The following CEP63 variants were observed in gnomAD, a reference collection of about 807,000 sequenced individuals.
The protein encoded by CEP63 is centrosomal protein 63, also known as centrosomal protein of 63 kDa.
Under a neutral mutation model 89.1 loss-of-function variants are expected in CEP63, and 84 were observed. The ratio of observed to expected loss-of-function variants is 0.94; its 90% CI spans 0.79 to 1.13. The LOEUF is 1.13. CEP63 is among the 50% of genes most tolerant of loss of function. CEP63 has a pLI of 0.00. For missense variants in CEP63, 838 were observed against 813.3 expected (o/e 1.03, Z -0.37); for synonymous variants, 267 against 272.5 (o/e 0.98, Z 0.20).
the CEP63 span, among the ~76,000 whole-genome samples, chr3:134,691,286 A>G: frequency 6.6e-6 from 1 of 151,426 alleles, no homozygotes; most frequent in African/African-American, 2.4e-5. Context: ...TGAACCCAAG[A>G]GGCAGAGGTT....
downstream of CEP63, among the ~76,000 whole-genome samples, chr3:134,576,407 G>C (rs894053085): frequency 2.0e-5 from 3 of 152,188 alleles, no homozygotes; most frequent in Non-Finnish European, 2.9e-5. Context: ...ACAGATGCCA[G>C]CTCCCTTCCT....
the CEP63 span, among the ~76,000 whole-genome samples, chr3:134,759,776 AAAG>A: frequency 6.1e-4 from 93 of 152,330 alleles, 3 homozygotes; most frequent in South Asian, 0.013. Context: ...TGTAATCTTA[AAAG>A]AAGAAGAAGA....
At chr3:134,561,337 T>C (rs770111149) in intron 14 of CEP63, 40 bp from the exon 15 acceptor site, 1 of 1,525,614 alleles carries the variant, frequency 6.6e-7, no homozygotes, top group South Asian at 1.1e-5. Context: ...AATATAATAT[T>C]CTACTTATTT....
chr3:134,725,289 G>A, the CEP63 span, among the ~76,000 whole-genome samples: 1 of 151,950 alleles, frequency 6.6e-6, no homozygotes, highest in African/African-American at 2.4e-5. Flanking sequence ...CCTAATTTGG[G>A]ATACAATTTT....
intron 5 of CEP63, among the ~76,000 whole-genome samples, chr3:134,534,790 C>T (rs1950465811): frequency 6.6e-6 from 1 of 152,106 alleles, no homozygotes; most frequent in African/African-American, 2.4e-5. Flanking sequence ...TACTGTATTT[C>T]CTCTCATCTC....
At chr3:134,515,273 AG>A (rs999300816) in intron 3 of CEP63, among the ~76,000 whole-genome samples, 7 of 152,246 alleles carry the variant, frequency 4.6e-5, no homozygotes, top group African/African-American at 1.7e-4. Flanking sequence ...GAAGAGAAAA[AG>A]GAACAGAGCT....
the CEP63 span, among the ~76,000 whole-genome samples, chr3:134,745,596 C>T: frequency 6.6e-6 from 1 of 152,062 alleles, no homozygotes; most frequent in Non-Finnish European, 1.5e-5. Context: ...AGATTTGTTA[C>T]ATAGATATAC....
the CEP63 span, among the ~76,000 whole-genome samples, chr3:134,702,433 A>G: frequency 6.6e-6 from 1 of 152,158 alleles, no homozygotes; most frequent in Non-Finnish European, 1.5e-5. Context: ...CTAAGCAAAA[A>G]GAACAAAGCT....
the CEP63 span, among the ~76,000 whole-genome samples, chr3:134,655,218 G>A: frequency 2.6e-5 from 4 of 152,224 alleles, no homozygotes; most frequent in African/African-American, 9.6e-5. Context: ...TCATGGATGT[G>A]GTTTCACAGT....
At chr3:134,489,379 G>A (rs566998703) in intron 1 of CEP63, among the ~76,000 whole-genome samples, 13 of 152,088 alleles carry the variant, frequency 8.5e-5, no homozygotes, top group Non-Finnish European at 1.2e-4. Context: ...ATAGTTGGGG[G>A]GGTTGGACAG....
At chr3:134,547,610 A>ATTTAATTTTTTT in intron 9 of CEP63, 138 bp downstream of exon 9, 1 of 226,812 alleles carries the variant, frequency 4.4e-6, no homozygotes, top group Non-Finnish European at 7.1e-6. Context: ...CTAAGTTCTT[A>ATTTAATTTTTTT]TTTCTTTTTT....
intron 1 of CEP63, among the ~76,000 whole-genome samples, chr3:134,487,428 G>A (rs1211772709): frequency 1.3e-5 from 2 of 152,208 alleles, no homozygotes; most frequent in African/African-American, 4.8e-5. Flanking sequence ...TGTAAAAATT[G>A]TGTATGTTGA....
chr3:134,659,070 G>A, the CEP63 span, among the ~76,000 whole-genome samples: 204 of 152,134 alleles, frequency 1.3e-3, 2 homozygotes, highest in East Asian at 0.011. Flanking sequence ...TCCAAATTTC[G>A]GGTACTTTGA....
chr3:134,556,296 C>T (rs1196390568), intron 12 of CEP63, among the ~76,000 whole-genome samples: 1 of 152,082 alleles, frequency 6.6e-6, no homozygotes, highest in African/African-American at 2.4e-5. Context: ...AACTAAAGAG[C>T]TTCTGTACAG....
At chr3:134,572,285 G>T (rs942500600) in intron 11 of CEP63, among the ~76,000 whole-genome samples, 2 of 152,080 alleles carry the variant, frequency 1.3e-5, no homozygotes, top group African/African-American at 4.8e-5. Flanking sequence ...AATTCAGGGG[G>T]TGCACGTGCA....
At chr3:134,648,988 T>C in the CEP63 span, among the ~76,000 whole-genome samples, 1 of 152,126 alleles carries the variant, frequency 6.6e-6, no homozygotes, top group African/African-American at 2.4e-5. Flanking sequence ...TTATTGGGCA[T>C]TTTCCTCCCT....
At chr3:134,554,418 A>C (rs1955658008) in intron 12 of CEP63, among the ~76,000 whole-genome samples, 2 of 146,140 alleles carry the variant, frequency 1.4e-5, no homozygotes, top group African/African-American at 2.5e-5. Flanking sequence ...TGAACTCATC[A>C]TTTTTTATGG....
At chr3:134,487,792 T>A (rs1936145864) in intron 1 of CEP63, among the ~76,000 whole-genome samples, 2 of 152,250 alleles carry the variant, frequency 1.3e-5, no homozygotes, top group Admixed American at 6.5e-5. Context: ...TTCAACTGTC[T>A]CTTAAATGTC....
At chr3:134,620,846 C>T in the CEP63 span, 8 of 1,610,896 alleles carry the variant, frequency 5.0e-6, no homozygotes, top group South Asian at 3.3e-5. Context: ...CTAGGCCACT[C>T]TTGGCTGTCA....
Sources: gnomAD v4.1 joint callset for allele counts (sites outside exome capture counted in the v4.1 genomes callset) on GRCh38, gnomAD v4.1.1 for gene constraint, MANE v1.5 for transcripts, NCBI Gene and HGNC (gene_info 2026-07-23, HGNC 2026-07-21) for gene names.